The following FOCAD variants were observed in gnomAD, a reference collection of about 807,000 sequenced individuals.
FOCAD encodes the protein focadhesin.
FOCAD carries 198 observed loss-of-function variants against 225.6 expected under a neutral mutation model. The ratio of observed to expected loss-of-function variants is 0.88; its 90% CI spans 0.78 to 0.99. The LOEUF is 0.99. Ranked by LOEUF, FOCAD falls within the 50% of genes least tolerant of loss-of-function variation. The pLI, the probability that FOCAD is intolerant of heterozygous loss-of-function variation, is 0.00. For synonymous variants in FOCAD, 897 were observed against 755.0 expected, an observed-to-expected ratio of 1.19 and a Z score of -3.08; for missense variants, 2,713 against 2,123.6, an observed-to-expected ratio of 1.28 and a Z score of -5.46.
chr9:20,737,188 G>T (rs1352602917), intron 4 of FOCAD, among the ~76,000 whole-genome samples: 1 of 152,074 alleles, frequency 6.6e-6, no homozygotes, highest in Non-Finnish European at 1.5e-5. Flanking sequence ...TAAAAAATTG[G>T]AGTTCATTTA....
intron 15 of FOCAD, among the ~76,000 whole-genome samples, chr9:20,850,799 T>C (rs917158596): frequency 2.0e-5 from 3 of 150,190 alleles, no homozygotes; most frequent in Non-Finnish European, 4.5e-5. Flanking sequence ...AACTCCTTTC[T>C]GATCTCTGCT....
chr9:20,953,726 A>G (rs916835114), intron 35 of FOCAD, among the ~76,000 whole-genome samples: 3 of 152,196 alleles, frequency 2.0e-5, no homozygotes, highest in Non-Finnish European at 4.4e-5. Flanking sequence ...AGAACTGAAC[A>G]TGTCATGGCT....
At chr9:20,802,267 T>G (rs565110221) in intron 11 of FOCAD, among the ~76,000 whole-genome samples, 1 of 152,296 alleles carries the variant, frequency 6.6e-6, no homozygotes, top group African/African-American at 2.4e-5. Flanking sequence ...TTTTTCCTTT[T>G]GTCTCTAAAG....
intron 1 of FOCAD, among the ~76,000 whole-genome samples, chr9:20,688,980 G>C (rs1438023658): frequency 6.6e-6 from 1 of 152,204 alleles, no homozygotes; most frequent in Non-Finnish European, 1.5e-5. Flanking sequence ...TTGCAAAGGA[G>C]TTGAAACTAT....
chr9:20,732,226 A>G (rs1826775506), intron 4 of FOCAD, among the ~76,000 whole-genome samples: 1 of 152,202 alleles, frequency 6.6e-6, no homozygotes, highest in Non-Finnish European at 1.5e-5. Context: ...ATAATTGCCT[A>G]GTTATAGAAA....
rs75169323 is a variant in FOCAD, at chr9:20,776,189, G to A, written c.907-2492G>A. 3.3e-5 allele frequency among the ~76,000 whole-genome samples: 5 copies of A among 152,302 alleles called. No individual in the cohort carries two copies. The East Asian group carries it at 9.7e-4, about 29-fold the overall frequency. Reference sequence around the variant, plus strand: ...TATGAAAGAAGGATCTGGAATTAATGGGAAAGCATTTATCTATGGGGTATT... The same window carrying A: ...TATGAAAGAAGGATCTGGAATTAATAGGAAAGCATTTATCTATGGGGTATT... On this transcript the variant is annotated intron_variant, in intron 8 of 43. Transcript: ENST00000338382.
intron 28 of FOCAD, 62 bp downstream of exon 28, chr9:20,933,165 G>T (rs1835648837): frequency 9.1e-7 from 1 of 1,104,184 alleles, no homozygotes; most frequent in African/African-American, 1.5e-5. Context: ...ACTGCCATAA[G>T]TCTTGCATGC....
At chr9:20,806,090 C>T (rs1330299676) in intron 11 of FOCAD, among the ~76,000 whole-genome samples, 1 of 152,136 alleles carries the variant, frequency 6.6e-6, no homozygotes, top group Non-Finnish European at 1.5e-5. Context: ...AGCACCTGGA[C>T]CACTCTTGCC....
intron 5 of FOCAD, among the ~76,000 whole-genome samples, chr9:20,740,555 G>A (rs545909609): frequency 1.3e-5 from 2 of 152,086 alleles, no homozygotes; most frequent in African/African-American, 4.8e-5. Context: ...GGGTTTCAGG[G>A]TTGCTAATTT....
intron 11 of FOCAD, among the ~76,000 whole-genome samples, chr9:20,802,395 A>G (rs1299426459): frequency 6.6e-6 from 1 of 152,110 alleles, no homozygotes. Context: ...TTCCTTTTGA[A>G]GTGTCCTATA....
chr9:20,695,427 A>T (rs1004684037), intron 1 of FOCAD, among the ~76,000 whole-genome samples: 8 of 152,104 alleles, frequency 5.3e-5, no homozygotes, highest in Non-Finnish European at 1.2e-4. Context: ...TAACAAAGTA[A>T]CTTCATATTG....
At chr9:20,961,284 T>C (rs77264976) in intron 35 of FOCAD, among the ~76,000 whole-genome samples, 4,219 of 152,220 alleles carry the variant, frequency 0.028, 70 homozygotes, top group Middle Eastern at 0.044. Context: ...ATTATTTTGA[T>C]CTTTAACTTG....
At chr9:20,799,444 G>T (rs1227935766) in intron 11 of FOCAD, among the ~76,000 whole-genome samples, 1 of 151,822 alleles carries the variant, frequency 6.6e-6, no homozygotes, top group Admixed American at 6.6e-5. Flanking sequence ...GTTGACAGTG[G>T]GGTGTTAAAG....
intron 7 of FOCAD, among the ~76,000 whole-genome samples, chr9:20,769,805 A>T (rs958879425): frequency 6.6e-6 from 1 of 152,252 alleles, no homozygotes; most frequent in Non-Finnish European, 1.5e-5. Context: ...AATTTGTACC[A>T]GCCAGCAGTA....
intron 11 of FOCAD, among the ~76,000 whole-genome samples, chr9:20,795,777 C>T (rs1821013280): frequency 1.0e-5 from 1 of 95,716 alleles, no homozygotes; most frequent in African/African-American, 4.0e-5. Context: ...GAGCAAGACT[C>T]TGTCTCGAAA....
At chr9:20,807,325 CTG>C (rs139751846) in intron 11 of FOCAD, among the ~76,000 whole-genome samples, 1 of 152,106 alleles carries the variant, frequency 6.6e-6, no homozygotes, top group South Asian at 2.1e-4. Context: ...TAATTATTAT[CTG>C]TGTGTGTGTG....
At position 20,968,410 on chromosome 9, in the gene FOCAD, T is replaced by C. The variant is rs187626737; in HGVS notation, c.4133-8010T>C. ...TTTTCTAAGTTCCAATTTTTGGTTC[T>C]GTTGTTTGTATTTTCTTATTCTTTT... On this transcript the variant is annotated intron_variant, in intron 35 of 43. Transcript: ENST00000338382. 7.2e-3 allele frequency among the ~76,000 whole-genome samples: 1,080 copies of C among 150,890 alleles called. 7 individuals are homozygous for C. The highest frequency in any genetic ancestry group is 0.012 in the Non-Finnish European group (813 of 67,694).
chr9:20,918,596 C>T (rs984569729), intron 24 of FOCAD, among the ~76,000 whole-genome samples: 7 of 151,688 alleles, frequency 4.6e-5, no homozygotes, highest in Admixed American at 1.3e-4. Flanking sequence ...TAATGGCGGG[C>T]GCCTGTAGTC....
chr9:20,790,056 A>G (rs1820364107), intron 11 of FOCAD, among the ~76,000 whole-genome samples: 3 of 152,188 alleles, frequency 2.0e-5, no homozygotes, highest in Admixed American at 2.0e-4. Context: ...TACTATCTTT[A>G]TTGAGTCATT....
Sources: gnomAD v4.1 joint callset for allele counts (sites outside exome capture counted in the v4.1 genomes callset) on GRCh38, gnomAD v4.1.1 for gene constraint, MANE v1.5 for transcripts, NCBI Gene and HGNC (gene_info 2026-07-23, HGNC 2026-07-21) for gene names.